Variants in DRAXIN observed in about 807,000 individuals in gnomAD.
DRAXIN encodes dorsal repulsive axon guidance protein.
In DRAXIN, 27 loss-of-function variants were observed where a neutral mutation model predicts 33.9. The observed-to-expected ratio is 0.80, with a 90% CI of 0.59 to 1.10. The LOEUF is 1.10. Ranked by LOEUF, DRAXIN falls within the 50% of genes least tolerant of loss-of-function variation. The pLI is 0.00. For missense variants in DRAXIN, 371 were observed against 460.8 expected, an observed-to-expected ratio of 0.81 and a Z score of 1.78; for synonymous variants, 178 against 194.0, an observed-to-expected ratio of 0.92 and a Z score of 0.69.
In DRAXIN at chr1:11,720,603, A is replaced by AT. The variant is rs1641647249; in HGVS notation, c.*907_*908insT. ...AGTGAAACTCCATCTCAAAAAAAAA[A>AT]AAAAAAAAAAGCACATCTGACTCAG... On this transcript the variant is annotated 3_prime_UTR_variant, in exon 7 of 7. Transcript: ENST00000294485. The AT allele has an allele frequency of 6.8e-6, 1 of 147,582 alleles. No homozygotes were observed. The highest frequency in any genetic ancestry group is 7.2e-5 in the Admixed American group (1 of 13,816). The allele number at this position is 147,582 out of a possible 1,614,324, so 9.1% of individuals were successfully genotyped here.
rs1641088763 is a variant in DRAXIN at position 11,692,371 on chromosome 1, C to T, written c.-11+518C>T. Among the ~76,000 whole-genome samples, 1 of 152,198 alleles carries T rather than the reference C, an allele frequency of 6.6e-6. No homozygotes were observed. The highest frequency in any genetic ancestry group is 1.5e-5 in the Non-Finnish European group (1 of 68,018). On this transcript the variant is annotated intron_variant, in intron 1 of 6. Transcript: ENST00000294485. This position sits in a 1 kb window ranked among gnomAD's most constrained non-coding sequence, Gnocchi z 5.8. ...CCCTCCAGCCCCTTTCGAGGCCGCC[C>T]AGGAGGCTGGGGTGTGTGGCCGGGG...
intron 6 of DRAXIN, 32 bp from the exon 7 acceptor site, chr1:11,719,552 G>A (rs774732603): frequency 1.3e-6 from 2 of 1,574,050 alleles, no homozygotes; most frequent in Non-Finnish European, 1.7e-6. Context: ...GGCCCTTCGC[G>A]CCTCTGACCC....
At position 11,694,881 on chromosome 1, in the gene DRAXIN, A is replaced by T. The variant is rs1641166325; in HGVS notation, c.-11+3028A>T. ...TGACAACGCCCCATGCCCCAACACC[A>T]TGACCCACCCATGCCCCAACACCAA... On this transcript the variant is annotated intron_variant, in intron 1 of 6. Coordinates refer to ENST00000294485, the MANE Select transcript of DRAXIN (RefSeq NM_198545.4). The surrounding 1 kb of genome is among the most constrained non-coding windows in gnomAD (Gnocchi z 4.9). 6.6e-6 allele frequency among the ~76,000 whole-genome samples: 1 copy of T among 152,070 alleles called. No individual in the cohort carries two copies. The highest frequency in any genetic ancestry group is 1.5e-5 in the Non-Finnish European group (1 of 67,998).
rs1447064077 is a variant in DRAXIN, at chr1:11,704,669, G to A, written c.-10-1580G>A. The stretch of plus-strand genomic sequence containing the variant: ...ATGGATGCAGGTGTGATGGGAGACA[G>A]GGTTGTCACAACAAGCCTGTCCCAG... On this transcript the variant is annotated intron_variant, in intron 1 of 6. Coordinates refer to ENST00000294485, the MANE Select transcript of DRAXIN (RefSeq NM_198545.4). The surrounding 1 kb of genome is among the most constrained non-coding windows in gnomAD (Gnocchi z 4.6). Among the ~76,000 whole-genome samples, 1 of 152,216 alleles carries A rather than the reference G, an allele frequency of 6.6e-6. No individual in the cohort carries two copies. The highest frequency in any genetic ancestry group is 1.5e-5 in the Non-Finnish European group (1 of 68,028).
intron 6 of DRAXIN, among the ~76,000 whole-genome samples, chr1:11,717,680 G>C (rs1641598033): frequency 7.0e-6 from 1 of 142,726 alleles, no homozygotes. Flanking sequence ...AAAAAGAAAG[G>C]GTAGACAGAA....
In DRAXIN at chr1:11,718,884, A is replaced by ATTTGTTTG. The variant is rs373195409; in HGVS notation, c.938-676_938-669dup. On this transcript the variant is annotated intron_variant, in intron 6 of 6. Transcript: ENST00000294485. ...ATAACATCTTGCAATCATGTGGTAG[A>ATTTGTTTG]TTTGTTTGTTTGTTTGTTTGTTTGT... is the stretch of plus-strand genomic sequence containing the variant. Among the ~76,000 whole-genome samples the ATTTGTTTG allele has an allele frequency of 8.7e-3, 1,317 of 151,776 alleles. 24 individuals are homozygous for ATTTGTTTG. Among genetic ancestry groups the ATTTGTTTG allele is most frequent in the African/African-American group, 0.028 (1,164 of 41,288 alleles).
Position 11,705,992 on chromosome 1 carries a change from G to A in DRAXIN, c.-10-257G>A, listed in dbSNP as rs1293947892. Among the ~76,000 whole-genome samples, 1 of 152,060 alleles carries A rather than the reference G, an allele frequency of 6.6e-6. No individual in the cohort carries two copies. Among genetic ancestry groups the A allele is most frequent in the Non-Finnish European group, 1.5e-5 (1 of 68,014 alleles). On this transcript the variant is annotated intron_variant, in intron 1 of 6. Transcript: ENST00000294485. The surrounding 1 kb of genome is among the most constrained non-coding windows in gnomAD (Gnocchi z 4.8). ...CAGCCTCGGTACTGTTGTTTTTCTGGGCCGGATGATTCTTGGTTTCGGGGG... is the reference window on the plus strand; with the variant it reads ...CAGCCTCGGTACTGTTGTTTTTCTGAGCCGGATGATTCTTGGTTTCGGGGG...
rs1268398901 is a variant in DRAXIN, at chr1:11,706,190, G to A, written c.-10-59G>A. ...GAAAAACTGGGCTTTAATCATTTGA[G>A]TGAGGGGCAGCAGAGAGAGGCCTGG... On this transcript the variant is annotated intron_variant, in intron 1 of 6. Coordinates refer to ENST00000294485, the MANE Select transcript of DRAXIN (RefSeq NM_198545.4). This position sits in a 1 kb window ranked among gnomAD's most constrained non-coding sequence, Gnocchi z 5.5. The A allele has an allele frequency of 4.2e-6, 6 of 1,415,824 alleles. No homozygotes were observed. The South Asian group carries it at 5.9e-5, about 14-fold the overall frequency. 87.7% of individuals were successfully genotyped at this position (1,415,824 alleles called of 1,614,324 possible). A position where few individuals can be genotyped will look rare whatever the true frequency, so the allele number is the denominator to read the frequency against.
Position 11,709,423 on chromosome 1 carries a change from A to G in DRAXIN, c.600A>G (p.Thr200=). Residue 200 remains threonine, a synonymous_variant, in exon 3 of 7, where the codon ACA becomes ACG. Transcript: ENST00000294485. ...FLTTFEAAPA[T]EESLILPVTS... ...CCACCTTTGAGGCAGCACCTGCCAC[A>G]GAAGAGTCCCTGATCCTGCCCGTCA... The G allele has an allele frequency of 2.5e-6, 4 of 1,614,064 alleles. No individual in the cohort carries two copies. Among genetic ancestry groups the G allele is most frequent in the Non-Finnish European group, 3.4e-6 (4 of 1,179,990 alleles).
intron 2 of DRAXIN, among the ~76,000 whole-genome samples, chr1:11,708,173 G>C (rs1161436471): frequency 6.6e-6 from 1 of 152,238 alleles, no homozygotes; most frequent in African/African-American, 2.4e-5. Context: ...GCACGCGTGG[G>C]GTGTGGACCC....
chr1:11,700,152 C>T (rs1358201163), intron 1 of DRAXIN, among the ~76,000 whole-genome samples: 1 of 151,870 alleles, frequency 6.6e-6, no homozygotes, highest in Non-Finnish European at 1.5e-5. Flanking sequence ...ATTGCTTGAA[C>T]ACGGGAGACG....
At position 11,720,667 on chromosome 1, in the gene DRAXIN, G is replaced by A. The variant is rs1641648500; in HGVS notation, c.*971G>A. The A allele has an allele frequency of 1.3e-5, 2 of 151,970 alleles. No individual in the cohort carries two copies. The highest frequency in any genetic ancestry group is 1.3e-4 in the Admixed American group (2 of 15,226). 9.4% of individuals were successfully genotyped at this position (151,970 alleles called of 1,614,324 possible). ...CTAACAAGCTCCCAGGGAACGCGAGGCTGCTGGCCCAGGGACCCACTGAGA... is the reference window on the plus strand; with the variant it reads ...CTAACAAGCTCCCAGGGAACGCGAGACTGCTGGCCCAGGGACCCACTGAGA... On this transcript the variant is annotated 3_prime_UTR_variant, in exon 7 of 7. Transcript: ENST00000294485.
At chr1:11,713,610 C>T (rs1394903874) in intron 5 of DRAXIN, among the ~76,000 whole-genome samples, 3 of 152,018 alleles carry the variant, frequency 2.0e-5, no homozygotes, top group South Asian at 2.1e-4. Flanking sequence ...AGTGTGAGAC[C>T]GGGTGCAGTG....
rs181660157 is a variant in DRAXIN, at chr1:11,705,147, C to T, written c.-10-1102C>T. ...TATATGGCCACAAATCACAAAGAAA[C>T]GGTGGCGTAAGCACCCTTGCCAGCC... On this transcript the variant is annotated intron_variant, in intron 1 of 6. Coordinates refer to ENST00000294485, the MANE Select transcript of DRAXIN (RefSeq NM_198545.4). This position sits in a 1 kb window ranked among gnomAD's most constrained non-coding sequence, Gnocchi z 4.8. 1.1e-4 allele frequency among the ~76,000 whole-genome samples: 17 copies of T among 152,296 alleles called. 1 individual carries two copies. Among genetic ancestry groups the T allele is most frequent in the African/African-American group, 3.4e-4 (14 of 41,578 alleles).
chr1:11,698,191 G>A (rs1476290459), intron 1 of DRAXIN, among the ~76,000 whole-genome samples: 1 of 152,226 alleles, frequency 6.6e-6, no homozygotes, highest in Non-Finnish European at 1.5e-5. Context: ...GGATCAGGAG[G>A]GGGGTTAGAA....
At position 11,706,517 on chromosome 1, in the gene DRAXIN, G is replaced by C; in HGVS notation, c.259G>C (p.Ala87Pro). Residue 87 changes from alanine to proline, a missense_variant, in exon 2 of 7, where the codon GCC (alanine) becomes CCC (proline). By Grantham distance (27) the Ala-to-Pro change is conservative. Transcript: ENST00000294485. This position sits in a 1 kb window ranked among gnomAD's most constrained non-coding sequence, Gnocchi z 5.5. ...DGAVVTATRQ[A>P]SRLPEAEGLL... is the part of the protein sequence containing the mutation. ...GGCTGTGGTCACCGCCACCAGGCAG[G>C]CCTCCAGGCTGCCAGAGGCTGAGGG... 1 of 1,611,860 alleles carries C rather than the reference G, an allele frequency of 6.2e-7. No homozygotes were observed. Among genetic ancestry groups the C allele is most frequent in the Non-Finnish European group, 8.5e-7 (1 of 1,179,338 alleles).
chr1:11,709,065 AC>A (rs1641434352), intron 2 of DRAXIN, among the ~76,000 whole-genome samples: 1 of 152,214 alleles, frequency 6.6e-6, no homozygotes, highest in East Asian at 1.9e-4. Context: ...CTCCCCAGCG[AC>A]ACTGCAAGTT....
upstream of DRAXIN, among the ~76,000 whole-genome samples, chr1:11,686,956 C>T (rs1212496002): frequency 2.6e-5 from 4 of 152,168 alleles, no homozygotes; most frequent in African/African-American, 4.8e-5. Flanking sequence ...ATTTTCATCA[C>T]TCCTGATGTC....
At chr1:11,710,921 C>CA (rs57916288) in intron 3 of DRAXIN, among the ~76,000 whole-genome samples, 26 of 90,114 alleles carry the variant, frequency 2.9e-4, no homozygotes, top group Admixed American at 5.4e-4. Context: ...GACTCCATCT[C>CA]AAAAAAAAAA....
Sources: gnomAD v4.1 joint callset for allele counts (sites outside exome capture counted in the v4.1 genomes callset) on GRCh38, gnomAD v4.1.1 for gene constraint, Gnocchi (gnomAD v3.1) non-coding constraint, MANE v1.5 for transcripts, NCBI Gene and HGNC (gene_info 2026-07-23, HGNC 2026-07-21) for gene names.